Variants in JPH1 observed in about 807,000 individuals in gnomAD.
JPH1 encodes junctophilin 1.
In JPH1, 12 loss-of-function variants were observed where a neutral mutation model predicts 53.6. That is an observed-to-expected ratio of 0.22 (90% CI 0.14 to 0.36). The LOEUF (loss-of-function observed/expected upper bound fraction) is 0.36. Among genes scored for constraint, JPH1 ranks in the 10% least tolerant of loss-of-function variants. JPH1 has a pLI of 1.00. For synonymous variants in JPH1, 375 were observed against 363.8 expected (o/e 1.03, Z -0.35); for missense variants, 808 against 905.5 (o/e 0.89, Z 1.38).
At chr8:74,290,675 C>A (rs571244466) in intron 2 of JPH1, among the ~76,000 whole-genome samples, 6 of 152,314 alleles carry the variant, frequency 3.9e-5, no homozygotes, top group African/African-American at 1.4e-4. Flanking sequence ...ATTGCCAAGA[C>A]AATCCTAAAC....
chr8:74,269,855 G>A (rs932585892), intron 2 of JPH1, among the ~76,000 whole-genome samples: 1 of 152,232 alleles, frequency 6.6e-6, no homozygotes, highest in Non-Finnish European at 1.5e-5. Flanking sequence ...GTTGTGAAAA[G>A]AAGTTTCTTT....
At position 74,235,499 on chromosome 8, in the gene JPH1, TAA is replaced by T. The variant is rs10712763; in HGVS notation, c.*1550_*1551del. 3.7e-3 allele frequency: 541 copies of T among 148,090 alleles called. 1 individual carries two copies. Among genetic ancestry groups the T allele is most frequent in the East Asian group, 0.014 (71 of 5,066 alleles). The allele number at this position is 148,090 out of a possible 1,614,324, so 9.2% of individuals were successfully genotyped here. A position where few individuals can be genotyped will look rare whatever the true frequency, so the allele number is the denominator to read the frequency against. ...CATTGAAAAGGTAGCTAATATGGTG[TAA>T]AAAAAAAAAAAAATCTGATTAAACC... On this transcript the variant is annotated 3_prime_UTR_variant, in exon 6 of 6. Transcript: ENST00000342232.
chr8:74,259,726 G>T (rs891411851), intron 2 of JPH1, among the ~76,000 whole-genome samples: 1 of 152,236 alleles, frequency 6.6e-6, no homozygotes, highest in African/African-American at 2.4e-5. Context: ...CAAGGGAAAT[G>T]AAAAGTAAGA....
intron 2 of JPH1, among the ~76,000 whole-genome samples, chr8:74,261,290 G>T (rs1355136961): frequency 6.6e-6 from 1 of 152,080 alleles, no homozygotes; most frequent in African/African-American, 2.4e-5. Context: ...TACACCAAAC[G>T]CACCTCAAAA....
intron 2 of JPH1, among the ~76,000 whole-genome samples, chr8:74,263,675 G>T (rs1260816277): frequency 2.0e-5 from 3 of 152,176 alleles, no homozygotes; most frequent in African/African-American, 7.2e-5. Flanking sequence ...CACCTCACCA[G>T]AGTTAGTACA....
chr8:74,272,230 C>G (rs192920618), intron 2 of JPH1, among the ~76,000 whole-genome samples: 3 of 146,974 alleles, frequency 2.0e-5, no homozygotes, highest in Non-Finnish European at 4.5e-5. Context: ...TCCAACAAAA[C>G]CTCAACATAC....
At chr8:74,260,435 G>A (rs981292282) in intron 2 of JPH1, among the ~76,000 whole-genome samples, 1 of 152,162 alleles carries the variant, frequency 6.6e-6, no homozygotes, top group Admixed American at 6.5e-5. Flanking sequence ...GCTCTGCAAA[G>A]GGAAAGGCCT....
intron 4 of JPH1, among the ~76,000 whole-genome samples, chr8:74,240,561 T>C (rs1805666271): frequency 6.6e-6 from 1 of 152,216 alleles, no homozygotes; most frequent in South Asian, 2.1e-4. Context: ...GACCAGATGT[T>C]GGAGCATTCT....
chr8:74,315,369 G>C lies in JPH1; in HGVS notation c.631C>G (p.Leu211Val), dbSNP rs1181493460. The stretch of plus-strand genomic sequence containing the variant: ...CCAAGAAGGGAGCCCCTCCGGAAGA[G>C]GCCGCCCTTCTTCTTGCCCGCTAGC... The part of the protein sequence containing the change: ...AELAGKKKGG[L>V]FRRGSLLGSM... Residue 211 changes from leucine (L) to valine (V), a missense_variant, in exon 2 of 6, where the codon CTC becomes GTC. Transcript: ENST00000342232. The surrounding 1 kb of genome is among the most constrained non-coding windows in gnomAD (Gnocchi z 6.3). The C allele has an allele frequency of 6.2e-7, 1 of 1,612,760 alleles. No homozygotes were observed. The highest frequency in any genetic ancestry group is 2.2e-5 in the East Asian group (1 of 44,874).
intron 2 of JPH1, among the ~76,000 whole-genome samples, chr8:74,276,290 C>T (rs1486448672): frequency 2.0e-5 from 3 of 152,184 alleles, no homozygotes; most frequent in African/African-American, 7.2e-5. Context: ...TAGGACCGTG[C>T]TCCACTCATC....
At chr8:74,279,883 T>C (rs1185001567) in intron 2 of JPH1, among the ~76,000 whole-genome samples, 1 of 152,210 alleles carries the variant, frequency 6.6e-6, no homozygotes, top group Non-Finnish European at 1.5e-5. Flanking sequence ...GAATATTCGA[T>C]AGTTGTGGTA....
intron 2 of JPH1, among the ~76,000 whole-genome samples, chr8:74,261,551 A>G (rs943985110): frequency 6.6e-6 from 1 of 152,212 alleles, no homozygotes; most frequent in Non-Finnish European, 1.5e-5. Flanking sequence ...GGAGGGACAT[A>G]TTCTTAAACA....
At position 74,321,494 on chromosome 8, in the gene JPH1, T is replaced by G; in HGVS notation, c.-207A>C. On this transcript the variant is annotated 5_prime_UTR_variant, in exon 1 of 6. Transcript: ENST00000342232. This position sits in a 1 kb window ranked among gnomAD's most constrained non-coding sequence, Gnocchi z 4.3. ...GCCACCGCCGCCTTCCTCCTCCTCC[T>G]CCTCCTCCTTCGCCGCCGCCGCCTG... The G allele has an allele frequency of 2.1e-6, 1 of 479,524 alleles. No individual in the cohort carries two copies. The highest frequency in any genetic ancestry group is 4.7e-5 in the South Asian group (1 of 21,450). 29.7% of individuals were successfully genotyped at this position (479,524 alleles called of 1,614,324 possible).
chr8:74,251,669 C>CT (rs905712669), intron 3 of JPH1, among the ~76,000 whole-genome samples: 5 of 151,932 alleles, frequency 3.3e-5, no homozygotes, highest in Admixed American at 3.3e-4. Flanking sequence ...TACTAGCAAC[C>CT]TTTTTTTCTA....
intron 2 of JPH1, among the ~76,000 whole-genome samples, chr8:74,312,243 T>C (rs1216114471): frequency 2.0e-5 from 3 of 150,942 alleles, no homozygotes; most frequent in East Asian, 3.8e-4. Flanking sequence ...ACCTACCTTC[T>C]TAACAAATTC....
At chr8:74,267,635 G>A (rs1041494310) in intron 2 of JPH1, among the ~76,000 whole-genome samples, 2 of 152,204 alleles carry the variant, frequency 1.3e-5, no homozygotes, top group African/African-American at 2.4e-5. Flanking sequence ...GGGAGTTGGC[G>A]AGGAAGTGGG....
At chr8:74,314,006 C>T (rs929058731) in intron 2 of JPH1, among the ~76,000 whole-genome samples, 2 of 152,168 alleles carry the variant, frequency 1.3e-5, no homozygotes, top group African/African-American at 4.8e-5. Flanking sequence ...ACTTCAAGCA[C>T]GTAGTCCTTC....
chr8:74,314,535 G>T (rs1586778093), intron 2 of JPH1, among the ~76,000 whole-genome samples: 1 of 150,274 alleles, frequency 6.7e-6, no homozygotes. Context: ...ACAAAAAAAA[G>T]AAAAGAAAAC....
At chr8:74,307,517 C>T (rs1430869062) in intron 2 of JPH1, among the ~76,000 whole-genome samples, 6 of 152,158 alleles carry the variant, frequency 3.9e-5, no homozygotes, top group Admixed American at 3.3e-4. Context: ...ATACAGGTAG[C>T]AGAACTAAAG....
Sources: allele counts gnomAD v4.1 joint callset (sites outside exome capture counted in the v4.1 genomes callset), GRCh38; gene constraint gnomAD v4.1.1; non-coding constraint Gnocchi (gnomAD v3.1); transcripts MANE v1.5; gene names NCBI Gene and HGNC (gene_info 2026-07-23, HGNC 2026-07-21).